Variants in KIF9 observed in about 807,000 individuals in gnomAD.
The protein encoded by KIF9 is kinesin-like protein KIF9.
In KIF9, 68 loss-of-function variants were observed where a neutral mutation model predicts 94.8. That is an observed-to-expected ratio of 0.72 (90% confidence interval 0.59 to 0.88). The LOEUF is 0.88. Ranked by LOEUF, KIF9 falls within the 40% of genes least tolerant of loss-of-function variation. KIF9 has a pLI of 0.00. For missense variants in KIF9, 882 were observed against 982.5 expected, an observed-to-expected ratio of 0.90 and a Z score of 1.37; for synonymous variants, 343 against 362.1, an observed-to-expected ratio of 0.95 and a Z score of 0.60.
intron 9 of KIF9, among the ~76,000 whole-genome samples, chr3:47,262,734 T>A (rs1701061776): frequency 6.6e-6 from 1 of 152,154 alleles, no homozygotes; most frequent in African/African-American, 2.4e-5. Flanking sequence ...CAGTCCCTAA[T>A]GCACACAGCT....
Position 47,281,005 on chromosome 3 carries a change from TC to T in KIF9, c.-6+1489del, listed in dbSNP as rs1184328602. On this transcript the variant is annotated intron_variant, in intron 1 of 20. Coordinates refer to ENST00000684063, the MANE Select transcript of KIF9 (RefSeq NM_182902.4). Reference sequence around the variant, plus strand: ...TCGCTTCATTTGAGTGGGTTTCAGTTCCCAAAATTAAATTACAAGCTGCTTG... The same window carrying T: ...TCGCTTCATTTGAGTGGGTTTCAGTTCCAAAATTAAATTACAAGCTGCTTG... The T allele has an allele frequency of 4.3e-6, 3 of 703,044 alleles. No individual in the cohort carries two copies. The East Asian group carries it at 8.0e-5, about 19-fold the overall frequency. The allele number at this position is 703,044 out of a possible 1,614,324, so 43.6% of individuals were successfully genotyped here. A position where few individuals can be genotyped will look rare whatever the true frequency, so the allele number is the denominator to read the frequency against.
rs61123180 is a variant in KIF9 at position 47,233,533 on chromosome 3, C to CA, written c.2322+1979dup. Among the ~76,000 whole-genome samples, 432 of 129,256 alleles carry CA rather than the reference C, an allele frequency of 3.3e-3. 1 individual carries two copies. The highest frequency in any genetic ancestry group is 8.0e-3 in the South Asian group (32 of 4,014). 84.8% of individuals were successfully genotyped at this position (129,256 alleles called of 152,430 possible). ...CAACAAGGCAAAACCCCATCTCTACCAAAAAAAAAAAAAATTAGCTGGGCA... is the reference window on the plus strand; with the variant it reads ...CAACAAGGCAAAACCCCATCTCTACCAAAAAAAAAAAAAAATTAGCTGGGCA... On this transcript the variant is annotated intron_variant, in intron 20 of 20. Coordinates refer to ENST00000684063, the MANE Select transcript of KIF9 (RefSeq NM_182902.4).
chr3:47,250,231 T>C (rs1157628597), intron 10 of KIF9, among the ~76,000 whole-genome samples: 2 of 152,204 alleles, frequency 1.3e-5, no homozygotes, highest in African/African-American at 4.8e-5. Context: ...ATGAGACAAA[T>C]ACAGCTACTG....
At chr3:47,266,143 TTCAC>T in intron 7 of KIF9, 1 of 378,666 alleles carries the variant, frequency 2.6e-6, no homozygotes, top group African/African-American at 2.0e-5. Context: ...CATATGGACA[TTCAC>T]TCAAAGATTC....
chr3:47,259,653 C>T (rs1017017477), intron 9 of KIF9, among the ~76,000 whole-genome samples: 6 of 149,994 alleles, frequency 4.0e-5, no homozygotes, highest in African/African-American at 9.8e-5. Context: ...TTCTGTTAAT[C>T]TATAACCTTA....
intron 16 of KIF9, among the ~76,000 whole-genome samples, chr3:47,242,038 C>T (rs1305301986): frequency 6.6e-6 from 1 of 151,650 alleles, no homozygotes; most frequent in Non-Finnish European, 1.5e-5. Flanking sequence ...CATGTACTCC[C>T]ATGCTCAGCT....
At chr3:47,242,922 G>T in intron 16 of KIF9, 129 bp downstream of exon 16, 3 of 720,860 alleles carry the variant, frequency 4.2e-6, no homozygotes, top group South Asian at 2.6e-5. Context: ...CTTCTTTGGG[G>T]ACTGTGCTCC....
intron 16 of KIF9, among the ~76,000 whole-genome samples, chr3:47,241,839 A>G (rs1699547040): frequency 1.6e-5 from 2 of 128,806 alleles, no homozygotes; most frequent in Non-Finnish European, 3.4e-5. Context: ...ACACACATAT[A>G]TAAAATATAT....
rs112005231 is a variant in KIF9, at chr3:47,257,570, A to G, written c.982-10T>C. ...ATCTCAGTGAAGATAGCTGCAAAAC[A>G]GAGCAGGTAGACATTAGATGGCTCG... On this transcript the variant is annotated splice_polypyrimidine_tract_variant and intron_variant, in intron 9 of 20. Transcript: ENST00000684063. The G allele has an allele frequency of 6.2e-7, 1 of 1,612,122 alleles. No homozygotes were observed. Among genetic ancestry groups the G allele is most frequent in the Non-Finnish European group, 8.5e-7 (1 of 1,179,592 alleles).
intron 15 of KIF9, chr3:47,243,490 C>T (rs1049732719): frequency 5.7e-6 from 2 of 348,322 alleles, no homozygotes; most frequent in South Asian, 9.6e-5. Context: ...TGGCAGGAGA[C>T]GCTTGGGAAA....
chr3:47,267,404 T>C (rs1037469870), intron 5 of KIF9, 141 bp from the exon 6 acceptor site: 19 of 673,182 alleles, frequency 2.8e-5, no homozygotes, highest in Middle Eastern at 4.1e-4. Context: ...AAACCTCTTT[T>C]ATAAACTAAT....
At chr3:47,263,537 G>A (rs1459482878) in intron 9 of KIF9, 8 of 200,550 alleles carry the variant, frequency 4.0e-5, no homozygotes, top group East Asian at 1.5e-4. Flanking sequence ...CCCACCCCCC[G>A]CAGTAGATAG....
chr3:47,273,692 A>T, intron 3 of KIF9, 34 bp from the exon 4 acceptor site: 1 of 1,566,424 alleles, frequency 6.4e-7, no homozygotes, highest in Non-Finnish European at 8.8e-7. Context: ...GACATCCAGG[A>T]AAATAGCTCC....
chr3:47,245,979 G>T (rs1036450692), intron 13 of KIF9: 3 of 552,764 alleles, frequency 5.4e-6, no homozygotes, highest in Admixed American at 6.4e-5. Context: ...ACAATGCCCT[G>T]CTCTGGGCAC....
At chr3:47,234,234 CTTT>C (rs542496579) in intron 20 of KIF9, among the ~76,000 whole-genome samples, 1 of 142,662 alleles carries the variant, frequency 7.0e-6, no homozygotes. Flanking sequence ...TTTGTACTTT[CTTT>C]TTTTTTTTTT....
At chr3:47,261,085 G>A (rs1700941719) in intron 9 of KIF9, among the ~76,000 whole-genome samples, 1 of 152,228 alleles carries the variant, frequency 6.6e-6, no homozygotes, top group African/African-American at 2.4e-5. Flanking sequence ...TGAAAGGAGG[G>A]AAGCATTGGA....
In KIF9 at chr3:47,243,093, G is replaced by C. The variant is rs942775226; in HGVS notation, c.1667C>G (p.Pro556Arg). The C allele has an allele frequency of 1.7e-5, 28 of 1,613,324 alleles. No homozygotes were observed. In the Admixed American group the frequency reaches 2.2e-4, roughly 12 times the overall value. ...CTCCTTCGGGGAGTCTGAGGGAAGG[G>C]GCTCAATGCTGGAAGTTTCCCGGTC... Reference protein sequence around the residue: ...SRDRETSSIEPLPSDSPKEEL... With the variant: ...SRDRETSSIERLPSDSPKEEL... The change falls in exon 16 of 21, where the codon CCC becomes CGC. Residue 556 changes from proline (P) to arginine (R), a missense_variant. Transcript: ENST00000684063.
At position 47,247,487 on chromosome 3, in the gene KIF9, G is replaced by A. The variant is rs749072536; in HGVS notation, c.1129-10C>T. 6.3e-7 allele frequency: 1 copy of A among 1,599,598 alleles called. No homozygotes were observed. The highest frequency in any genetic ancestry group is 1.7e-5 in the Admixed American group (1 of 59,962). ...CAAAGGTGCGGTTGGTCTTGAAGGA[G>A]GATGAAGAACATGTGGATAAGCAAC... On this transcript the variant is annotated splice_polypyrimidine_tract_variant and intron_variant, in intron 11 of 20. Transcript: ENST00000684063.
At chr3:47,281,300 T>C (rs1336347029) in intron 1 of KIF9, 3 of 429,468 alleles carry the variant, frequency 7.0e-6, no homozygotes, top group Non-Finnish European at 1.3e-5. Context: ...GGTGCAAAAA[T>C]CCACATCCAG....
Sources: allele counts gnomAD v4.1 joint callset (sites outside exome capture counted in the v4.1 genomes callset), GRCh38; gene constraint gnomAD v4.1.1; transcripts MANE v1.5; gene names NCBI Gene and HGNC (gene_info 2026-07-23, HGNC 2026-07-21).